Variants in C10orf67 observed in about 807,000 individuals in gnomAD.
C10orf67 encodes chromosome 10 open reading frame 67.
A neutral mutation model predicts 35.6 loss-of-function variants in C10orf67; 60 were observed. The observed-to-expected ratio is 1.68, with a 90% confidence interval of 1.37 to 2.09. C10orf67 has a LOEUF of 2.09. C10orf67 is among the 30% of genes most tolerant of loss of function. The pLI, the probability that C10orf67 is intolerant of heterozygous loss-of-function variation, is 0.00. For synonymous variants in C10orf67, 167 were observed against 115.8 expected (o/e 1.44, Z -2.84); for missense variants, 474 against 330.2 (o/e 1.44, Z -3.38).
In C10orf67 at chr10:23,204,274, G is replaced by A. The variant is rs959946129; in HGVS notation, c.1571-19C>T. 11 of 615,204 alleles carry A rather than the reference G, an allele frequency of 1.8e-5. No individual in the cohort carries two copies. The highest frequency in any genetic ancestry group is 3.3e-5 in the Non-Finnish European group (11 of 334,272). The allele number at this position is 615,204 out of a possible 1,614,324, so 38.1% of individuals were successfully genotyped here. ...AACTTCCCTAAACGTGAAGAAAGGT[G>A]GACAGACATAAACTTTGTTTTACTT... On this transcript the variant is annotated intron_variant, in intron 15 of 15. Coordinates refer to ENST00000636213, the MANE Select transcript of C10orf67 (RefSeq NM_001371909.1).
intron 2 of C10orf67, among the ~76,000 whole-genome samples, chr10:23,328,993 C>CAAAAAAAAAAAAAAAAAAAAAGAAAA (rs57772405): frequency 1.3e-5 from 1 of 78,730 alleles, no homozygotes; most frequent in Non-Finnish European, 2.5e-5. Context: ...CATAAACGAA[C>CAAAAAAAAAAAAAAAAAAAAAGAAAA]AAAAAAAAAA....
intron 2 of C10orf67, among the ~76,000 whole-genome samples, chr10:23,326,472 T>A (rs1173698320): frequency 6.6e-6 from 1 of 152,168 alleles, no homozygotes; most frequent in African/African-American, 2.4e-5. Context: ...ATTCTTTGCC[T>A]ACAGTAGGAG....
chr10:23,202,012 T>C (rs1197621628), downstream of C10orf67: 1 of 152,272 alleles, frequency 6.6e-6, no homozygotes, highest in Non-Finnish European at 1.5e-5. Context: ...TCTGGACCAA[T>C]GTGATAAATT....
rs1178987714 is a variant in C10orf67 at position 23,320,781 on chromosome 10, T to C, written c.506A>G (p.Gln169Arg). The C allele has an allele frequency of 5.0e-6, 8 of 1,592,202 alleles. No individual in the cohort carries two copies. Among genetic ancestry groups the C allele is most frequent in the South Asian group, 1.2e-5 (1 of 86,790 alleles). ...GATAACAGCTATGGCATCAGCTAAC[T>C]GCTGATTGAAGGATTTTCTCATCTT... ...EDKMRKSFNQ[Q>R]LADAIAVIKG... The change falls in exon 4 of 16, where the codon CAG (glutamine) becomes CGG (arginine). Residue 169 changes from glutamine (Q) to arginine (R), a missense_variant. Physicochemically the swap from Gln to Arg is conservative, Grantham distance 43 (BLOSUM62 1). Transcript: ENST00000636213.
intron 10 of C10orf67, among the ~76,000 whole-genome samples, chr10:23,252,763 A>T (rs563196160): frequency 1.3e-5 from 2 of 152,310 alleles, no homozygotes; most frequent in South Asian, 4.1e-4. Flanking sequence ...TTTTTGATGA[A>T]TTCAGATTTA....
In C10orf67 at chr10:23,204,236, T is replaced by G; in HGVS notation, c.1590A>C (p.Pro530=). Residue 530 remains proline (P), a synonymous_variant, in exon 16 of 16, where the codon CCA becomes CCC. Coordinates refer to ENST00000636213, the MANE Select transcript of C10orf67 (RefSeq NM_001371909.1). ...LSPKGKLSES[P]KEESLEEPSM... is the part of the protein sequence containing the mutation. ...AGGGCTCCTCCAAGGACTCTTCTTT[T>G]GGGGATTCCGACAACTTCCCTAAAC... The G allele has an allele frequency of 1.5e-6, 1 of 654,934 alleles. No homozygotes were observed. Among genetic ancestry groups the G allele is most frequent in the Admixed American group, 2.3e-5 (1 of 43,678 alleles). 40.6% of individuals were successfully genotyped at this position (654,934 alleles called of 1,614,324 possible). A position where few individuals can be genotyped will look rare whatever the true frequency, so the allele number is the denominator to read the frequency against.
At chr10:23,239,270 A>G (rs1470653349) in intron 13 of C10orf67, among the ~76,000 whole-genome samples, 2 of 152,204 alleles carry the variant, frequency 1.3e-5, no homozygotes, top group African/African-American at 4.8e-5. Context: ...ATAATTTAGA[A>G]TTGGGCTTTA....
intron 5 of C10orf67, among the ~76,000 whole-genome samples, chr10:23,291,826 G>A (rs758013685): frequency 2.6e-5 from 4 of 152,048 alleles, no homozygotes; most frequent in Non-Finnish European, 5.9e-5. Context: ...TCAGGCACAC[G>A]GATATCCACA....
rs116085099 is a variant in C10orf67, at chr10:23,203,920, G to A, written c.*253C>T. On this transcript the variant is annotated 3_prime_UTR_variant, in exon 16 of 16. Transcript: ENST00000636213. ...GCTCCTGAATGGATGTGGTTGCCCC[G>A]GAGGTTCAGTGCGCCCCGCTCACCC... The A allele has an allele frequency of 5.4e-4, 174 of 322,454 alleles. No homozygotes were observed. Among genetic ancestry groups the A allele is most frequent in the African/African-American group, 3.4e-3 (159 of 46,878 alleles). The allele number at this position is 322,454 out of a possible 1,614,324, so 20.0% of individuals were successfully genotyped here. A position where few individuals can be genotyped will look rare whatever the true frequency, so the allele number is the denominator to read the frequency against.
chr10:23,290,027 G>A (rs1843672430), intron 6 of C10orf67, 69 bp from the exon 7 acceptor site: 2 of 706,718 alleles, frequency 2.8e-6, no homozygotes, highest in African/African-American at 3.5e-5. Context: ...TAAACGGCCT[G>A]CTTCAGGGCA....
At chr10:23,328,993 C>CAAAAAAAAAAAAAAAAAAAAAGA (rs57772405) in intron 2 of C10orf67, among the ~76,000 whole-genome samples, 1 of 78,732 alleles carries the variant, frequency 1.3e-5, no homozygotes, top group Non-Finnish European at 2.5e-5. Context: ...CATAAACGAA[C>CAAAAAAAAAAAAAAAAAAAAAGA]AAAAAAAAAA....
At chr10:23,291,341 A>G (rs1843714646) in intron 5 of C10orf67, 62 bp from the exon 6 acceptor site, 2 of 655,574 alleles carry the variant, frequency 3.1e-6, no homozygotes, top group African/African-American at 3.6e-5. Context: ...ATGCAAGACA[A>G]GGACAATACA....
chr10:23,300,776 A>T (rs984453632), intron 5 of C10orf67, among the ~76,000 whole-genome samples: 1 of 152,090 alleles, frequency 6.6e-6, no homozygotes, highest in Non-Finnish European at 1.5e-5. Context: ...TGTCCCAGTG[A>T]GGGTCTACAC....
intron 5 of C10orf67, among the ~76,000 whole-genome samples, chr10:23,297,713 A>G (rs941032254): frequency 2.0e-5 from 3 of 152,238 alleles, no homozygotes; most frequent in African/African-American, 7.2e-5. Context: ...GTTATGTTCT[A>G]TCTTTTCTTC....
chr10:23,230,730 CA>C (rs1021938261), intron 13 of C10orf67, among the ~76,000 whole-genome samples: 1 of 132,396 alleles, frequency 7.6e-6, no homozygotes, highest in Non-Finnish European at 1.5e-5. Context: ...CAGGAAAAGG[CA>C]AAAAAAATTA....
At chr10:23,208,338 A>G (rs1052970013) in intron 15 of C10orf67, among the ~76,000 whole-genome samples, 4 of 152,204 alleles carry the variant, frequency 2.6e-5, no homozygotes, top group Admixed American at 1.3e-4. Context: ...AGTTTTAAAA[A>G]CATACACACT....
At chr10:23,267,147 A>C in intron 9 of C10orf67, 48 bp downstream of exon 9, 1 of 691,722 alleles carries the variant, frequency 1.4e-6, no homozygotes, top group South Asian at 1.6e-5. Flanking sequence ...AAATCAGAGA[A>C]GCACAAAATA....
At chr10:23,279,020 G>A (rs554996545) in intron 8 of C10orf67, among the ~76,000 whole-genome samples, 1 of 152,326 alleles carries the variant, frequency 6.6e-6, no homozygotes, top group African/African-American at 2.4e-5. Context: ...AGGAGGCTGA[G>A]GCAGGAGGAT....
chr10:23,211,624 A>G (rs915277343), intron 15 of C10orf67, among the ~76,000 whole-genome samples: 1 of 152,182 alleles, frequency 6.6e-6, no homozygotes, highest in East Asian at 1.9e-4. Flanking sequence ...TAAAAAAATG[A>G]CTGGTACTTG....
Sources: allele counts gnomAD v4.1 joint callset (sites outside exome capture counted in the v4.1 genomes callset), GRCh38; gene constraint gnomAD v4.1.1; transcripts MANE v1.5; gene names NCBI Gene and HGNC (gene_info 2026-07-23, HGNC 2026-07-21).